KIF13A: variants seen among roughly 807,000 people sequenced by gnomAD.
KIF13A encodes the protein kinesin-like protein KIF13A.
KIF13A carries 79 observed loss-of-function variants against 212.2 expected under a neutral mutation model. The ratio of observed to expected loss-of-function variants is 0.37; its 90% CI spans 0.31 to 0.45. The LOEUF is 0.45. Ranked by LOEUF, KIF13A falls within the 20% of genes least tolerant of loss-of-function variation. The probability of loss-of-function intolerance (pLI) is 1.00; values close to 1 mark genes in which losing one functional copy is unlikely to be tolerated. For synonymous variants in KIF13A, 789 were observed against 808.6 expected, an observed-to-expected ratio of 0.98 and a Z score of 0.41; for missense variants, 1,901 against 2,209.0, an observed-to-expected ratio of 0.86 and a Z score of 2.79.
At chr6:17,867,545 A>T (rs1769524406) in intron 4 of KIF13A, among the ~76,000 whole-genome samples, 1 of 152,176 alleles carries the variant, frequency 6.6e-6, no homozygotes, top group East Asian at 1.9e-4. Flanking sequence ...TCTCATTTCA[A>T]CCCACAAGAT....
At position 17,824,264 on chromosome 6, in the gene KIF13A, A is replaced by G. The variant is rs1015950582; in HGVS notation, c.1786+1504T>C. On this transcript the variant is annotated intron_variant, in intron 16 of 38. Coordinates refer to ENST00000259711, the MANE Select transcript of KIF13A (RefSeq NM_022113.6). ...GGCCCCCTAGGCAAAAACTTCATAAACAGAAATCAATGAAAAGGCCAAAAG... is the reference window on the plus strand; with the variant it reads ...GGCCCCCTAGGCAAAAACTTCATAAGCAGAAATCAATGAAAAGGCCAAAAG... 1.3e-5 allele frequency among the ~76,000 whole-genome samples: 2 copies of G among 152,160 alleles called. 1 individual carries two copies. The highest frequency in any genetic ancestry group is 2.9e-5 in the Non-Finnish European group (2 of 68,042).
chr6:17,821,912 G>A (rs921246954), intron 16 of KIF13A: 26 of 1,535,286 alleles, frequency 1.7e-5, no homozygotes, highest in Non-Finnish European at 2.3e-5. Flanking sequence ...CCACCTAGCA[G>A]TAGAGGGGAA....
downstream of KIF13A, among the ~76,000 whole-genome samples, chr6:17,761,558 T>C (rs1170284898): frequency 6.6e-6 from 1 of 152,020 alleles, no homozygotes; most frequent in Non-Finnish European, 1.5e-5. Flanking sequence ...TAATTTTGTG[T>C]TTTCAGTAGA....
At chr6:17,774,122 T>G (rs1759732116) in intron 35 of KIF13A, among the ~76,000 whole-genome samples, 1 of 152,228 alleles carries the variant, frequency 6.6e-6, no homozygotes, top group East Asian at 1.9e-4. Context: ...TCATACGAGC[T>G]TACTTAATCT....
intron 4 of KIF13A, among the ~76,000 whole-genome samples, chr6:17,864,495 T>C (rs1158609393): frequency 1.3e-5 from 2 of 152,264 alleles, no homozygotes; most frequent in East Asian, 1.9e-4. Flanking sequence ...ATGAATCTTT[T>C]TCTTTTTTGA....
chr6:17,876,277 C>T (rs1770550153), intron 3 of KIF13A, among the ~76,000 whole-genome samples: 2 of 152,244 alleles, frequency 1.3e-5, no homozygotes, highest in African/African-American at 4.8e-5. Flanking sequence ...CATACAGAAC[C>T]CATGCTCTTT....
intron 2 of KIF13A, among the ~76,000 whole-genome samples, chr6:17,901,747 T>C (rs889742955): frequency 3.9e-5 from 6 of 152,216 alleles, no homozygotes; most frequent in Admixed American, 3.9e-4. Flanking sequence ...TGTGCCAAAT[T>C]CATCTTTTAA....
At chr6:17,818,272 C>A (rs970985828) in intron 16 of KIF13A, among the ~76,000 whole-genome samples, 1 of 152,124 alleles carries the variant, frequency 6.6e-6, no homozygotes, top group Non-Finnish European at 1.5e-5. Context: ...ATGCTGTATT[C>A]CCACACATTG....
rs1481290360 is a variant in KIF13A at position 17,918,004 on chromosome 6, T to A, written c.147-19824A>T. Reference sequence around the variant, plus strand: ...TGGTCCAGAGAGGCATTCCCTGACCTTCCTGTCCTGGAATTCTGTTTCCTC... The same window carrying A: ...TGGTCCAGAGAGGCATTCCCTGACCATCCTGTCCTGGAATTCTGTTTCCTC... On this transcript the variant is annotated intron_variant, in intron 2 of 38. Coordinates refer to ENST00000259711, the MANE Select transcript of KIF13A (RefSeq NM_022113.6). The surrounding 1 kb of genome is among the most constrained non-coding windows in gnomAD (Gnocchi z 4.8). Among the ~76,000 whole-genome samples, 1 of 152,032 alleles carries A rather than the reference T, an allele frequency of 6.6e-6. No homozygotes were observed. Among genetic ancestry groups the A allele is most frequent in the Non-Finnish European group, 1.5e-5 (1 of 68,000 alleles).
At chr6:17,874,999 GCACGCACACACACACA>G (rs1490645092) in intron 3 of KIF13A, among the ~76,000 whole-genome samples, 1 of 120,266 alleles carries the variant, frequency 8.3e-6, no homozygotes, top group African/African-American at 3.1e-5. Flanking sequence ...ACACGCACAC[GCACGCACACACACACA>G]CACACACACA....
Position 17,843,688 on chromosome 6 carries a change from T to G in KIF13A, c.830+5689A>C, listed in dbSNP as rs1031362121. Among the ~76,000 whole-genome samples the G allele has an allele frequency of 6.6e-6, 1 of 152,206 alleles. No individual in the cohort carries two copies. The highest frequency in any genetic ancestry group is 2.4e-5 in the African/African-American group (1 of 41,464). On this transcript the variant is annotated intron_variant, in intron 9 of 38. Transcript: ENST00000259711. This position sits in a 1 kb window ranked among gnomAD's most constrained non-coding sequence, Gnocchi z 5.3. ...TTCCTGTTAAATGAGAAAAATTAAC[T>G]CACGTCATTGTCAGTGTAGCTGGTT...
intron 2 of KIF13A, among the ~76,000 whole-genome samples, chr6:17,929,155 T>C (rs1775770746): frequency 6.6e-6 from 1 of 150,896 alleles, no homozygotes. Flanking sequence ...TTGTAAAGCA[T>C]ATTTTAGGCT....
intron 2 of KIF13A, among the ~76,000 whole-genome samples, chr6:17,911,317 G>A (rs1176595239): frequency 1.3e-5 from 2 of 152,120 alleles, no homozygotes; most frequent in Non-Finnish European, 2.9e-5. Context: ...GCAGCCCTTC[G>A]GGTGTGCATC....
chr6:17,763,353 C>T (rs1206261792), downstream of KIF13A, among the ~76,000 whole-genome samples: 1 of 151,586 alleles, frequency 6.6e-6, no homozygotes, highest in Non-Finnish European at 1.5e-5. Context: ...GCCTGTAGTC[C>T]CAGCTACACG....
In KIF13A at chr6:17,987,491, C is replaced by T; in HGVS notation, c.-28G>A. Reference sequence around the variant, plus strand: ...TGGCTGCGCTCGCCCGGCCGCTCGCCGCGCCCGCTCGGCCTTAGGCGGCCC... The same window carrying T: ...TGGCTGCGCTCGCCCGGCCGCTCGCTGCGCCCGCTCGGCCTTAGGCGGCCC... On this transcript the variant is annotated 5_prime_UTR_variant, in exon 1 of 39. Transcript: ENST00000259711. This position sits in a 1 kb window ranked among gnomAD's most constrained non-coding sequence, Gnocchi z 7.7. The T allele has an allele frequency of 8.1e-7, 1 of 1,240,710 alleles. No individual in the cohort carries two copies. The highest frequency in any genetic ancestry group is 1.5e-5 in the South Asian group (1 of 67,676). 76.9% of individuals were successfully genotyped at this position (1,240,710 alleles called of 1,614,324 possible).
downstream of KIF13A, chr6:17,760,409 CAG>C (rs576528488): frequency 1.4e-3 from 212 of 154,248 alleles, no homozygotes; most frequent in Non-Finnish European, 1.2e-3. Flanking sequence ...TGTCTGTCTC[CAG>C]ACATACTATA....
At chr6:17,869,019 A>AAAAAAAAAAAAAAAAATAAAC (rs1554187445) in intron 4 of KIF13A, among the ~76,000 whole-genome samples, 1 of 126,514 alleles carries the variant, frequency 7.9e-6, no homozygotes, top group Non-Finnish European at 1.7e-5. Flanking sequence ...AAAAAAAAAA[A>AAAAAAAAAAAAAAAAATAAAC]ACACAAATAA....
rs550344491 is a variant in KIF13A at position 17,845,927 on chromosome 6, CCT to C, written c.830+3448_830+3449del. Among the ~76,000 whole-genome samples, 261 of 152,146 alleles carry C rather than the reference CCT, an allele frequency of 1.7e-3. 1 individual carries two copies. The highest frequency in any genetic ancestry group is 1.7e-3 in the East Asian group (9 of 5,186). The stretch of plus-strand genomic sequence containing the variant: ...CAGACACTGACGTTTGTGTGAAGTC[CCT>C]GACAGGCCTGCTTAAGAGGATTATT... On this transcript the variant is annotated intron_variant, in intron 9 of 38. Coordinates refer to ENST00000259711, the MANE Select transcript of KIF13A (RefSeq NM_022113.6).
At chr6:17,868,989 C>CAAAAAAAAAAAAAAAAAA (rs71002278) in intron 4 of KIF13A, among the ~76,000 whole-genome samples, 3 of 20,920 alleles carry the variant, frequency 1.4e-4, no homozygotes, top group African/African-American at 4.2e-4. Flanking sequence ...GACTCCCTCT[C>CAAAAAAAAAAAAAAAAAA]AAAAAAAAAA....
Sources: gnomAD v4.1 joint callset for allele counts (sites outside exome capture counted in the v4.1 genomes callset) on GRCh38, gnomAD v4.1.1 for gene constraint, Gnocchi (gnomAD v3.1) non-coding constraint, MANE v1.5 for transcripts, NCBI Gene and HGNC (gene_info 2026-07-23, HGNC 2026-07-21) for gene names.